Variants in ARID4B observed in about 807,000 individuals in gnomAD.
ARID4B encodes AT-rich interactive domain-containing protein 4B.
ARID4B carries 26 observed loss-of-function variants against 147.5 expected under a neutral mutation model. That is an observed-to-expected ratio of 0.18 (90% CI 0.13 to 0.24). The LOEUF (loss-of-function observed/expected upper bound fraction) is 0.24. Among genes scored for constraint, ARID4B ranks in the 10% least tolerant of loss-of-function variants. ARID4B has a pLI of 1.00. For synonymous variants in ARID4B, 512 were observed against 507.9 expected, an observed-to-expected ratio of 1.01 and a Z score of -0.11; for missense variants, 1,179 against 1,511.5, an observed-to-expected ratio of 0.78 and a Z score of 3.65.
chr1:235,182,448 T>C lies in ARID4B; in HGVS notation c.2471A>G (p.Lys824Arg). 1.2e-6 allele frequency: 2 copies of C among 1,611,858 alleles called. No individual in the cohort carries two copies. The highest frequency in any genetic ancestry group is 2.2e-5 in the South Asian group (2 of 90,316). ...CTCTTCTGTATTGCAATACCTTCTT[T>C]TACCACGTTTTATTTGTGGTTTTGA... ...KSSKPQIKRGKRRYCNTEECL... is the reference protein window; with the variant it reads ...KSSKPQIKRGRRRYCNTEECL... Residue 824 changes from lysine (K) to arginine (R), a missense_variant, in exon 20 of 24, where the codon AAA becomes AGA. Coordinates refer to ENST00000264183, the MANE Select transcript of ARID4B (RefSeq NM_016374.6).
chr1:235,219,940 A>T lies in ARID4B; in HGVS notation c.1436T>A (p.Ile479Lys). The change falls in exon 16 of 24, where the codon ATA becomes AAA. Residue 479 changes from isoleucine (I) to lysine (K), a missense_variant. Physicochemically the swap from Ile to Lys is moderately radical, Grantham distance 102. This residue lies in a region of ARID4B where 204 missense variants were observed against 210.9 expected (regional missense o/e 0.97). Coordinates refer to ENST00000264183, the MANE Select transcript of ARID4B (RefSeq NM_016374.6). ...LGSKKNLLES[I>K]PTHSDQEKEV... ...TTTTTCCTGATCAGAATGTGTAGGT[A>T]TAGATTCTAATAAATTCTTTTTACT... 4 of 1,552,806 alleles carry T rather than the reference A, an allele frequency of 2.6e-6. No individual in the cohort carries two copies. The highest frequency in any genetic ancestry group is 3.5e-6 in the Non-Finnish European group (4 of 1,152,258).
chr1:235,253,472 G>A (rs892018590), intron 5 of ARID4B, among the ~76,000 whole-genome samples: 7 of 152,132 alleles, frequency 4.6e-5, no homozygotes, highest in Admixed American at 1.3e-4. Context: ...GAAAACTAGC[G>A]ACTTAAAATA....
At chr1:235,206,367 G>A (rs1017515483) in intron 17 of ARID4B, among the ~76,000 whole-genome samples, 1 of 152,132 alleles carries the variant, frequency 6.6e-6, no homozygotes, top group African/African-American at 2.4e-5. Flanking sequence ...CTAGGTGAAA[G>A]TTATATTCCA....
chr1:235,280,332 C>T (rs768533863), intron 2 of ARID4B, among the ~76,000 whole-genome samples: 15 of 152,214 alleles, frequency 9.9e-5, no homozygotes, highest in Non-Finnish European at 1.5e-4. Context: ...AGGACACCTT[C>T]ACTGACAATC....
At position 235,168,596 on chromosome 1, in the gene ARID4B, C is replaced by G; in HGVS notation, c.3868G>C (p.Val1290Leu). ...GACGGTTCAGCTAAAGTTAACATAACAGCAGCTGTTATGGAACTGGATGAA... is the reference window on the plus strand; with the variant it reads ...GACGGTTCAGCTAAAGTTAACATAAGAGCAGCTGTTATGGAACTGGATGAA... ...SPSSSSITAAVMLTLAEPSMS... is the reference protein window; with the variant it reads ...SPSSSSITAALMLTLAEPSMS... The change falls in exon 24 of 24, where the codon GTT (valine) becomes CTT (leucine). Residue 1290 changes from valine to leucine, a missense_variant. Val to Leu is a conservative substitution (Grantham distance 32, BLOSUM62 1). Coordinates refer to ENST00000264183, the MANE Select transcript of ARID4B (RefSeq NM_016374.6). 3.1e-6 allele frequency: 5 copies of G among 1,614,084 alleles called. No homozygotes were observed. Among genetic ancestry groups the G allele is most frequent in the Non-Finnish European group, 4.2e-6 (5 of 1,180,008 alleles).
At chr1:235,234,813 GA>G (rs916753591) in intron 8 of ARID4B, among the ~76,000 whole-genome samples, 8 of 152,198 alleles carry the variant, frequency 5.3e-5, no homozygotes, top group African/African-American at 1.9e-4. Context: ...ATCCTTAACT[GA>G]AGGGATACAT....
chr1:235,228,318 C>G (rs1572028534), intron 11 of ARID4B: 1 of 98,630 alleles, frequency 1.0e-5, no homozygotes, highest in Admixed American at 1.5e-4. Context: ...TTTAATAAGA[C>G]AGGGTCTCAC....
chr1:235,297,134 A>G (rs762911529), intron 2 of ARID4B, among the ~76,000 whole-genome samples: 3 of 152,146 alleles, frequency 2.0e-5, no homozygotes, highest in Non-Finnish European at 4.4e-5. Flanking sequence ...AAAGAGAGTA[A>G]GTTATTGAAA....
chr1:235,286,007 A>G (rs1211951410), intron 2 of ARID4B, among the ~76,000 whole-genome samples: 3 of 151,786 alleles, frequency 2.0e-5, no homozygotes, highest in African/African-American at 7.3e-5. Flanking sequence ...AAAATGACTG[A>G]GTTAACGCTC....
chr1:235,268,042 CAGA>C (rs1179095942), intron 2 of ARID4B, among the ~76,000 whole-genome samples: 1 of 152,070 alleles, frequency 6.6e-6, no homozygotes, highest in Non-Finnish European at 1.5e-5. Context: ...GGCACAAGGA[CAGA>C]AGCTGAATAT....
chr1:235,213,792 C>T lies in ARID4B; in HGVS notation c.1818G>A (p.Val606=), dbSNP rs752097173. ...ACCTCACATTCCATCCGCAGTAATG[C>T]ACCAAGTAAAGGACCTCTCCACCTT... ...DVEGGEVLYL[V]HYCGWNVRYD... Residue 606 remains valine (V), a synonymous_variant, in exon 17 of 24, where the codon GTG becomes GTA. Coordinates refer to ENST00000264183, the MANE Select transcript of ARID4B (RefSeq NM_016374.6). The T allele has an allele frequency of 6.2e-7, 1 of 1,613,828 alleles. No individual in the cohort carries two copies. The highest frequency in any genetic ancestry group is 8.5e-7 in the Non-Finnish European group (1 of 1,179,878).
chr1:235,323,522 C>A (rs899935918), intron 2 of ARID4B, among the ~76,000 whole-genome samples: 3 of 152,112 alleles, frequency 2.0e-5, no homozygotes, highest in Non-Finnish European at 2.9e-5. Context: ...CAGTGGCTCA[C>A]GCCTGTAATC....
intron 17 of ARID4B, among the ~76,000 whole-genome samples, chr1:235,202,994 C>G (rs1423096168): frequency 6.6e-6 from 1 of 152,174 alleles, no homozygotes. Context: ...CAAACACAGC[C>G]CTTGCCTGCG....
intron 20 of ARID4B, among the ~76,000 whole-genome samples, chr1:235,178,996 G>C (rs1258115836): frequency 6.6e-6 from 1 of 151,986 alleles, no homozygotes; most frequent in Admixed American, 6.6e-5. Flanking sequence ...GAAACATAAA[G>C]GAGACGTAGA....
At chr1:235,277,532 G>A (rs534044092) in intron 2 of ARID4B, among the ~76,000 whole-genome samples, 4 of 109,174 alleles carry the variant, frequency 3.7e-5, no homozygotes, top group East Asian at 2.2e-4. Flanking sequence ...GCGAGACTCC[G>A]TCTCAAAAAA....
At chr1:235,236,686 G>GAGAGCCCACA (rs1558233124) in intron 8 of ARID4B, among the ~76,000 whole-genome samples, 13 of 149,170 alleles carry the variant, frequency 8.7e-5, no homozygotes, top group Non-Finnish European at 1.5e-4. Flanking sequence ...GCTAATTTTT[G>GAGAGCCCACA]TATTTTAGTA....
chr1:235,232,420 C>CA (rs201032974), intron 9 of ARID4B, among the ~76,000 whole-genome samples: 2 of 150,230 alleles, frequency 1.3e-5, no homozygotes, highest in Admixed American at 6.6e-5. Context: ...AACTCCATCT[C>CA]AAAAAAAAGT....
At position 235,326,947 on chromosome 1, in the gene ARID4B, A is replaced by G. The variant is rs756645728; in HGVS notation, c.-28T>C. 12 of 1,613,404 alleles carry G rather than the reference A, an allele frequency of 7.4e-6. No homozygotes were observed. Among genetic ancestry groups the G allele is most frequent in the African/African-American group, 1.3e-5 (1 of 75,014 alleles). ...TGACTCTGGGACCAAGGTATCCTCT[A>G]AAACACCAGGTTCAGCTGCACCTGG... On this transcript the variant is annotated 5_prime_UTR_variant, in exon 2 of 24. Coordinates refer to ENST00000264183, the MANE Select transcript of ARID4B (RefSeq NM_016374.6).
chr1:235,258,229 G>A (rs1670101681), intron 3 of ARID4B, among the ~76,000 whole-genome samples: 1 of 152,170 alleles, frequency 6.6e-6, no homozygotes, highest in Admixed American at 6.5e-5. Flanking sequence ...CTACTCCGGA[G>A]GCTTAGGCAG....
Sources: gnomAD v4.1 joint callset for allele counts (sites outside exome capture counted in the v4.1 genomes callset) on GRCh38, gnomAD v4.1.1 for gene constraint, gnomAD v4.1.1 regional missense constraint, MANE v1.5 for transcripts, NCBI Gene and HGNC (gene_info 2026-07-23, HGNC 2026-07-21) for gene names.